The following ZCCHC24 variants were observed in gnomAD, a reference collection of about 807,000 sequenced individuals.
ZCCHC24 encodes zinc finger CCHC domain-containing protein 24.
ZCCHC24 carries 10 observed loss-of-function variants against 26.2 expected under a neutral mutation model. The ratio of observed to expected loss-of-function variants is 0.38; its 90% CI spans 0.24 to 0.65. ZCCHC24 has a LOEUF of 0.65. Among genes scored for constraint, ZCCHC24 ranks in the 30% least tolerant of loss-of-function variants. ZCCHC24 has a pLI of 0.54. For synonymous variants in ZCCHC24, 144 were observed against 147.1 expected, an observed-to-expected ratio of 0.98 and a Z score of 0.15; for missense variants, 243 against 329.1, an observed-to-expected ratio of 0.74 and a Z score of 2.03.
chr10:79,399,315 C>A (rs1338254055), intron 2 of ZCCHC24, among the ~76,000 whole-genome samples: 1 of 152,232 alleles, frequency 6.6e-6, no homozygotes, highest in Non-Finnish European at 1.5e-5. Flanking sequence ...CCACACACCC[C>A]CCTGCCTCCT....
At chr10:79,425,481 A>G (rs1248362677) in intron 2 of ZCCHC24, among the ~76,000 whole-genome samples, 2 of 152,248 alleles carry the variant, frequency 1.3e-5, no homozygotes, top group Admixed American at 1.3e-4. Context: ...TTTTTAAAGA[A>G]CCCTGACTTT....
At chr10:79,402,931 C>T in intron 2 of ZCCHC24, among the ~76,000 whole-genome samples, 1 of 152,228 alleles carries the variant, frequency 6.6e-6, no homozygotes, top group East Asian at 1.9e-4. Context: ...TTCATTTGTT[C>T]ACCTAATTTA....
chr10:79,428,162 A>G (rs1020891519), intron 2 of ZCCHC24, among the ~76,000 whole-genome samples: 2 of 152,228 alleles, frequency 1.3e-5, no homozygotes, highest in African/African-American at 4.8e-5. Context: ...TGTGGTATAT[A>G]CATACAATGG....
Position 79,386,428 on chromosome 10 carries a change from C to G in ZCCHC24, c.643G>C (p.Val215Leu). The G allele has an allele frequency of 4.4e-6, 7 of 1,604,070 alleles. No individual in the cohort carries two copies. The highest frequency in any genetic ancestry group is 6.0e-6 in the Non-Finnish European group (7 of 1,172,202). The change falls in exon 4 of 4, where the codon GTG becomes CTG. Residue 215 changes from valine to leucine, a missense_variant. Physicochemically the swap from Val to Leu is conservative, Grantham distance 32. Coordinates refer to ENST00000372336, the MANE Select transcript of ZCCHC24 (RefSeq NM_153367.4). ...RPLEKPDGLD[V>L]SDQSKEHPQH... ...GGGTGCTCCTTGCTCTGGTCGGACA[C>G]GTCCAGGCCGTCGGGCTTCTCCAGG...
At chr10:79,403,175 C>T (rs1312691139) in intron 2 of ZCCHC24, among the ~76,000 whole-genome samples, 8 of 152,234 alleles carry the variant, frequency 5.3e-5, no homozygotes, top group Admixed American at 2.0e-4. Context: ...CTTGGATTCA[C>T]GCCCTCAGGC....
chr10:79,389,529 AGTGTGTGTGT>A (rs5786399), intron 3 of ZCCHC24, among the ~76,000 whole-genome samples: 2,253 of 146,332 alleles, frequency 0.015, 54 homozygotes, highest in African/African-American at 0.055. Context: ...ACTTTTTCCT[AGTGTGTGTGT>A]GTGTGTGTGT....
intron 3 of ZCCHC24, among the ~76,000 whole-genome samples, chr10:79,394,055 A>G (rs1241617375): frequency 6.6e-6 from 1 of 152,146 alleles, no homozygotes; most frequent in African/African-American, 2.4e-5. Context: ...CACCCTGTTC[A>G]CTAGTTTTAC....
chr10:79,402,865 T>C (rs1199900252), intron 2 of ZCCHC24, among the ~76,000 whole-genome samples: 1 of 152,220 alleles, frequency 6.6e-6, no homozygotes, highest in African/African-American at 2.4e-5. Context: ...AGAAAAAGCC[T>C]GCTCCTAGGA....
intron 3 of ZCCHC24, among the ~76,000 whole-genome samples, chr10:79,389,501 G>A (rs1359494820): frequency 1.3e-5 from 2 of 150,294 alleles, no homozygotes; most frequent in Non-Finnish European, 2.9e-5. Context: ...CTGGGTGAGA[G>A]GTTAATAACA....
chr10:79,426,985 TAAAA>T (rs1295161776), intron 2 of ZCCHC24, among the ~76,000 whole-genome samples: 1 of 145,330 alleles, frequency 6.9e-6, no homozygotes, highest in Non-Finnish European at 1.5e-5. Flanking sequence ...AGGTTGGAAA[TAAAA>T]GATAGGAAAA....
intron 2 of ZCCHC24, among the ~76,000 whole-genome samples, chr10:79,417,900 G>C (rs1182110810): frequency 6.6e-6 from 1 of 152,190 alleles, no homozygotes; most frequent in Non-Finnish European, 1.5e-5. Flanking sequence ...GGCCAGGTCA[G>C]TGGTGCCAAG....
Position 79,387,180 on chromosome 10 carries a change from A to T in ZCCHC24, c.613-722T>A, listed in dbSNP as rs181919246. 3.0e-4 allele frequency among the ~76,000 whole-genome samples: 46 copies of T among 152,162 alleles called. 1 individual carries two copies. The highest frequency in any genetic ancestry group is 3.4e-3 in the Middle Eastern group (1 of 294). ...TGAAACCTCAGTTTTCCAACAAGGA[A>T]CCTGAGGCCCAGAGAAGGGAGGTGA... On this transcript the variant is annotated intron_variant, in intron 3 of 3. Coordinates refer to ENST00000372336, the MANE Select transcript of ZCCHC24 (RefSeq NM_153367.4).
At chr10:79,427,141 T>C (rs567486749) in intron 2 of ZCCHC24, among the ~76,000 whole-genome samples, 2 of 150,814 alleles carry the variant, frequency 1.3e-5, no homozygotes, top group East Asian at 3.9e-4. Context: ...ATCAAGAAGA[T>C]ACAACAACTA....
intron 2 of ZCCHC24, among the ~76,000 whole-genome samples, chr10:79,402,522 G>A (rs112923181): frequency 2.0e-5 from 3 of 152,296 alleles, no homozygotes; most frequent in South Asian, 4.1e-4. Context: ...TGATACGCCC[G>A]CCTCGGCCTC....
At chr10:79,418,224 C>T (rs1244119361) in intron 2 of ZCCHC24, among the ~76,000 whole-genome samples, 1 of 152,176 alleles carries the variant, frequency 6.6e-6, no homozygotes, top group Admixed American at 6.5e-5. Flanking sequence ...TCTCAAAGCG[C>T]GTTCACCTGT....
At chr10:79,407,898 G>A (rs1856740727) in intron 2 of ZCCHC24, among the ~76,000 whole-genome samples, 2 of 152,166 alleles carry the variant, frequency 1.3e-5, no homozygotes, top group Non-Finnish European at 2.9e-5. Context: ...TGGTGTCAGT[G>A]GCGGCGGGGT....
intron 3 of ZCCHC24, among the ~76,000 whole-genome samples, chr10:79,387,972 C>T (rs1171371708): frequency 6.6e-6 from 1 of 152,166 alleles, no homozygotes; most frequent in Admixed American, 6.5e-5. Context: ...TCAACCACAT[C>T]ACAAGAGGCT....
chr10:79,429,939 G>A (rs1857103467), intron 2 of ZCCHC24, among the ~76,000 whole-genome samples: 1 of 152,154 alleles, frequency 6.6e-6, no homozygotes, highest in African/African-American at 2.4e-5. Flanking sequence ...GTCAGATGGT[G>A]AGGAGCACAG....
chr10:79,432,487 C>T (rs751279446), intron 2 of ZCCHC24, 71 bp downstream of exon 2: 46 of 1,513,652 alleles, frequency 3.0e-5, no homozygotes, highest in East Asian at 9.5e-5. Context: ...TTCGCCTGCC[C>T]TACCCACAGG....
Sources: gnomAD v4.1 joint callset for allele counts (sites outside exome capture counted in the v4.1 genomes callset) on GRCh38, gnomAD v4.1.1 for gene constraint, MANE v1.5 for transcripts, NCBI Gene and HGNC (gene_info 2026-07-23, HGNC 2026-07-21) for gene names.